The following ZNF420 variants were observed in gnomAD, a reference collection of about 807,000 sequenced individuals.
The protein encoded by ZNF420 is zinc finger protein 420.
In ZNF420, 31 loss-of-function variants were observed where a neutral mutation model predicts 44.7. That is an observed-to-expected ratio of 0.69 (90% CI 0.52 to 0.94). The LOEUF (loss-of-function observed/expected upper bound fraction) is 0.94, where lower values mean the gene tolerates loss of function less well. Among genes scored for constraint, ZNF420 ranks in the 40% least tolerant of loss-of-function variants. ZNF420 has a pLI of 0.00. For synonymous variants in ZNF420, 245 were observed against 267.4 expected (o/e 0.92, Z 0.82); for missense variants, 681 against 827.9 (o/e 0.82, Z 2.18).
chr19:37,033,266 C>T (rs1967295121), intron 1 of ZNF420, among the ~76,000 whole-genome samples: 1 of 152,166 alleles, frequency 6.6e-6, no homozygotes, highest in African/African-American at 2.4e-5. Context: ...AATACAATCA[C>T]ACGATTGTAC....
At chr19:37,055,718 G>A (rs1414768642) in intron 1 of ZNF420, among the ~76,000 whole-genome samples, 1 of 152,204 alleles carries the variant, frequency 6.6e-6, no homozygotes, top group Non-Finnish European at 1.5e-5. Context: ...GTGGCAGTGC[G>A]TCAGTGTTGA....
intron 1 of ZNF420, among the ~76,000 whole-genome samples, chr19:37,062,372 G>C (rs1218937550): frequency 6.6e-6 from 1 of 152,126 alleles, no homozygotes; most frequent in African/African-American, 2.4e-5. Context: ...ATATGGAGAG[G>C]GCTGTGGACC....
intron 1 of ZNF420, among the ~76,000 whole-genome samples, chr19:37,008,245 T>C (rs2074543356): frequency 6.6e-6 from 1 of 150,650 alleles, no homozygotes; most frequent in Non-Finnish European, 1.5e-5. Context: ...GTACCACTGC[T>C]GTGTGTGTGT....
At chr19:37,013,733 T>C (rs182962149) in intron 1 of ZNF420, among the ~76,000 whole-genome samples, 2 of 152,314 alleles carry the variant, frequency 1.3e-5, no homozygotes, top group East Asian at 3.9e-4. Context: ...CATTGACTCA[T>C]CAGCCCACTG....
At chr19:37,087,105 C>T (rs746785947) in intron 2 of ZNF420, among the ~76,000 whole-genome samples, 3 of 151,652 alleles carry the variant, frequency 2.0e-5, no homozygotes, top group Non-Finnish European at 4.4e-5. Context: ...GGCAATGTAG[C>T]AAAACCTCAT....
chr19:37,016,619 C>T (rs980041295), intron 1 of ZNF420, among the ~76,000 whole-genome samples: 1 of 152,202 alleles, frequency 6.6e-6, no homozygotes, highest in Non-Finnish European at 1.5e-5. Flanking sequence ...CCATGGATTG[C>T]CAGTTCCAGG....
intron 1 of ZNF420, among the ~76,000 whole-genome samples, chr19:37,065,522 T>C (rs1568435278): frequency 6.6e-6 from 1 of 152,228 alleles, no homozygotes; most frequent in African/African-American, 2.4e-5. Context: ...TGGCAGCCTC[T>C]TGAAGCTGGG....
upstream of ZNF420, among the ~76,000 whole-genome samples, chr19:37,076,055 CT>C (rs1202420845): frequency 2.6e-5 from 4 of 152,026 alleles, no homozygotes; most frequent in Non-Finnish European, 2.9e-5. Context: ...GCTGCCTATA[CT>C]TTTTTTAAAA....
In ZNF420 at chr19:37,130,189, G is replaced by A. The variant is rs759281122; in HGVS notation, c.*1131G>A. 2 of 1,550,342 alleles carry A rather than the reference G, an allele frequency of 1.3e-6. No individual in the cohort carries two copies. Among genetic ancestry groups the A allele is most frequent in the South Asian group, 1.2e-5 (1 of 84,032 alleles). ...TGGGGACTTTGAGAATGGTATCTGG[G>A]TGTTATGGATCATGGAGCAGAAATA... On this transcript the variant is annotated 3_prime_UTR_variant, in exon 5 of 5. Coordinates refer to ENST00000337995, the MANE Select transcript of ZNF420 (RefSeq NM_144689.5).
chr19:37,114,488 G>C (rs1490161772), intron 4 of ZNF420, among the ~76,000 whole-genome samples: 1 of 152,194 alleles, frequency 6.6e-6, no homozygotes, highest in African/African-American at 2.4e-5. Context: ...ATTTGAGGTT[G>C]TAATGTTACA....
Position 37,129,460 on chromosome 19 carries a change from C to A in ZNF420, c.*402C>A, listed in dbSNP as rs558287992. On this transcript the variant is annotated 3_prime_UTR_variant, in exon 5 of 5. Transcript: ENST00000337995. ...CTTGGAAGTATTATGTAAGTTATTA[C>A]ATGTAAAAGCTCTTAGAATGGTGCC... is the stretch of plus-strand genomic sequence containing the variant. The A allele has an allele frequency of 4.3e-4, 75 of 175,066 alleles. No homozygotes were observed. The highest frequency in any genetic ancestry group is 7.2e-4 in the Non-Finnish European group (59 of 81,660). 10.8% of individuals were successfully genotyped at this position (175,066 alleles called of 1,614,324 possible).
rs752849761 is a variant in ZNF420 at position 37,128,149 on chromosome 19, C to G, written c.1158C>G (p.Thr386=). The G allele has an allele frequency of 6.2e-6, 10 of 1,613,426 alleles. No homozygotes were observed. In the South Asian group the frequency reaches 6.6e-5, roughly 11 times the overall value. ...TTACTCAACACCAGAGAATTCACAC[C>G]AATGAAAAGCCCTATGAATGTAAGG... ...SQLTQHQRIH[T]NEKPYECKEC... Residue 386 remains threonine (T), a synonymous_variant, in exon 5 of 5, where the codon ACC becomes ACG. Transcript: ENST00000337995.
At chr19:37,029,457 A>C (rs1223855830) in intron 1 of ZNF420, among the ~76,000 whole-genome samples, 2 of 151,472 alleles carry the variant, frequency 1.3e-5, no homozygotes, top group Non-Finnish European at 2.9e-5. Context: ...TCTCTCATGC[A>C]CTCCAGTCAT....
intron 1 of ZNF420, among the ~76,000 whole-genome samples, chr19:37,058,846 T>C (rs1468271202): frequency 2.0e-5 from 3 of 152,202 alleles, no homozygotes; most frequent in Non-Finnish European, 4.4e-5. Context: ...GCCCTATCCC[T>C]GTTTCCACGT....
At chr19:37,108,929 A>G (rs1307738636) in intron 4 of ZNF420, among the ~76,000 whole-genome samples, 1 of 152,180 alleles carries the variant, frequency 6.6e-6, no homozygotes, top group Non-Finnish European at 1.5e-5. Context: ...TTCCTAAACT[A>G]AAACTTCTGT....
chr19:37,075,564 A>G (rs1325879208), upstream of ZNF420, among the ~76,000 whole-genome samples: 3 of 152,030 alleles, frequency 2.0e-5, no homozygotes, highest in Non-Finnish European at 4.4e-5. Flanking sequence ...AAAATGGTGA[A>G]ACCCTGTCTC....
At chr19:37,116,014 C>T (rs990881770) in intron 4 of ZNF420, among the ~76,000 whole-genome samples, 6 of 152,126 alleles carry the variant, frequency 3.9e-5, no homozygotes, top group Non-Finnish European at 7.4e-5. Context: ...GCACATGTTT[C>T]AGGGAGCACA....
intron 1 of ZNF420, among the ~76,000 whole-genome samples, chr19:37,037,131 G>C (rs1967369950): frequency 7.2e-6 from 1 of 139,616 alleles, no homozygotes; most frequent in African/African-American, 2.8e-5. Context: ...GCAGAGTCTT[G>C]GGCACCATTT....
chr19:37,020,368 T>G (rs779697157), intron 1 of ZNF420, among the ~76,000 whole-genome samples: 12 of 151,892 alleles, frequency 7.9e-5, no homozygotes, highest in Admixed American at 6.6e-5. Context: ...AACCTCCCTC[T>G]GAACAGAAAC....
Sources: gnomAD v4.1 joint callset for allele counts (sites outside exome capture counted in the v4.1 genomes callset) on GRCh38, gnomAD v4.1.1 for gene constraint, MANE v1.5 for transcripts, NCBI Gene and HGNC (gene_info 2026-07-23, HGNC 2026-07-21) for gene names.